The following TTLL12 variants were observed in gnomAD, a reference collection of about 807,000 sequenced individuals.
The protein encoded by TTLL12 is tubulin tyrosine ligase like 12, also known as tubulin--tyrosine ligase-like protein 12.
In TTLL12, 77 loss-of-function variants were observed where a neutral mutation model predicts 79.6. The observed-to-expected ratio is 0.97, with a 90% CI of 0.81 to 1.17. TTLL12 has a LOEUF of 1.17. TTLL12 is among the 50% of genes most tolerant of loss of function. The probability of loss-of-function intolerance (pLI) is 0.00; values close to 1 mark genes in which losing one functional copy is unlikely to be tolerated. For synonymous variants in TTLL12, 437 were observed against 376.1 expected (o/e 1.16, Z -1.87); for missense variants, 969 against 895.9 (o/e 1.08, Z -1.04).
At position 43,167,078 on chromosome 22, in the gene TTLL12, A is replaced by G. The variant is rs1411659657; in HGVS notation, c.*930T>C. ...ACATTTTTCTCCCATACATTAAAAA[A>G]TAAGAAAAAGCCAACATTTTGACTG... On this transcript the variant is annotated 3_prime_UTR_variant, in exon 14 of 14. Transcript: ENST00000216129. 9.4e-6 allele frequency: 4 copies of G among 424,622 alleles called. No individual in the cohort carries two copies. The highest frequency in any genetic ancestry group is 6.4e-5 in the East Asian group (1 of 15,518). 26.3% of individuals were successfully genotyped at this position (424,622 alleles called of 1,614,324 possible).
intron 8 of TTLL12, 91 bp downstream of exon 8, chr22:43,174,116 CCA>C (rs1931837231): frequency 6.8e-7 from 1 of 1,476,614 alleles, no homozygotes; most frequent in East Asian, 2.3e-5. Context: ...ACCACGGTTT[CCA>C]CAGTGGGTGC....
intron 12 of TTLL12, 100 bp from the exon 13 acceptor site, chr22:43,169,012 G>C: frequency 2.8e-6 from 4 of 1,434,120 alleles, no homozygotes; most frequent in Non-Finnish European, 3.7e-6. Flanking sequence ...CGTGGCCCAA[G>C]TCACCCCCTC....
chr22:43,174,134 G>C, intron 8 of TTLL12, 75 bp downstream of exon 8: 1 of 1,517,684 alleles, frequency 6.6e-7, no homozygotes, highest in Non-Finnish European at 8.9e-7. Flanking sequence ...GGTGCTCATG[G>C]AGGAGCAGGC....
rs1057438384 is a variant in TTLL12 at position 43,178,725 on chromosome 22, G to A, written c.840+894C>T. The stretch of plus-strand genomic sequence containing the variant: ...TGCAAAAAGGATGACTTCAGTCGCC[G>A]TGGGGGCAAGCCTGCAGCCTCAGCT... On this transcript the variant is annotated intron_variant, in intron 5 of 13. Coordinates refer to ENST00000216129, the MANE Select transcript of TTLL12 (RefSeq NM_015140.4). Among the ~76,000 whole-genome samples the A allele has an allele frequency of 3.9e-5, 6 of 152,216 alleles. No homozygotes were observed. In the South Asian group the frequency reaches 6.2e-4, roughly 16 times the overall value.
intron 8 of TTLL12, 35 bp downstream of exon 8, chr22:43,174,174 C>T: frequency 6.3e-7 from 1 of 1,589,938 alleles, no homozygotes; most frequent in Non-Finnish European, 8.5e-7. Flanking sequence ...GGGAAAAGGG[C>T]CATGGAGCAC....
intron 2 of TTLL12, among the ~76,000 whole-genome samples, chr22:43,181,862 C>T (rs991770620): frequency 6.6e-6 from 1 of 152,152 alleles, no homozygotes; most frequent in African/African-American, 2.4e-5. Context: ...GAGTGGGTGA[C>T]CACGTGATGC....
Position 43,179,669 on chromosome 22 carries a change from T to A in TTLL12, c.790A>T (p.Met264Leu). ...GGTGTGCAAGAGCTGAGGTCCAGCA[T>A]GTCGGTGGGGGCCCAGGGCAGCAGC... is the stretch of plus-strand genomic sequence containing the variant. ...CMLLPWAPTDMLDLSSCTPEP... is the reference protein window; with the variant it reads ...CMLLPWAPTDLLDLSSCTPEP... Residue 264 changes from methionine (M) to leucine (L), a missense_variant, in exon 5 of 14, where the codon ATG becomes TTG. By Grantham distance (15) the Met-to-Leu change is conservative (BLOSUM62 2). Transcript: ENST00000216129. 1.9e-6 allele frequency: 3 copies of A among 1,581,176 alleles called. No homozygotes were observed. The highest frequency in any genetic ancestry group is 2.6e-6 in the Non-Finnish European group (3 of 1,164,532).
At chr22:43,172,245 A>C (rs1268484144) in intron 10 of TTLL12, among the ~76,000 whole-genome samples, 158 bp downstream of exon 10, 1 of 152,300 alleles carries the variant, frequency 6.6e-6, no homozygotes, top group South Asian at 2.1e-4. Flanking sequence ...GCCAATTAAC[A>C]CCAAGGGAGA....
chr22:43,177,100 G>A (rs1411593184), intron 5 of TTLL12, among the ~76,000 whole-genome samples: 1 of 152,192 alleles, frequency 6.6e-6, no homozygotes, highest in Non-Finnish European at 1.5e-5. Context: ...TGCACATGGT[G>A]GCTCAAGCCA....
intron 8 of TTLL12, 73 bp from the exon 9 acceptor site, chr22:43,173,899 A>G: frequency 7.3e-7 from 1 of 1,378,438 alleles, no homozygotes; most frequent in African/African-American, 1.4e-5. Context: ...CAGGACCCAG[A>G]GGCAGAAGAG....
At chr22:43,173,199 G>A (rs1931809911) in intron 9 of TTLL12, among the ~76,000 whole-genome samples, 1 of 152,080 alleles carries the variant, frequency 6.6e-6, no homozygotes, top group Non-Finnish European at 1.5e-5. Context: ...CCCTCACTAT[G>A]AATCTTTACC....
chr22:43,185,247 TTATATATATATATATATATA>T (rs3985927), intron 1 of TTLL12, among the ~76,000 whole-genome samples: 1,219 of 115,608 alleles, frequency 0.011, 19 homozygotes, highest in Middle Eastern at 0.022. Context: ...AAGAAAAAAA[TTATATATATATATATATATA>T]TATATATATA....
intron 6 of TTLL12, among the ~76,000 whole-genome samples, chr22:43,175,926 G>A (rs145841800): frequency 6.7e-5 from 10 of 149,558 alleles, no homozygotes; most frequent in Non-Finnish European, 8.9e-5. Context: ...GATCTCAGGC[G>A]ATCTGCCTGG....
intron 3 of TTLL12, 36 bp from the exon 4 acceptor site, chr22:43,180,036 C>T (rs1418375450): frequency 6.5e-7 from 1 of 1,535,190 alleles, no homozygotes; most frequent in Non-Finnish European, 8.7e-7. Context: ...TCTCGCTCAC[C>T]CATCCACCCA....
chr22:43,168,784 G>T lies in TTLL12; in HGVS notation c.1773C>A (p.Asn591Lys), dbSNP rs34490661. Residue 591 changes from asparagine (N) to lysine (K), a missense_variant, in exon 13 of 14, where the codon AAC (asparagine) becomes AAA (lysine). By Grantham distance (94) the Asn-to-Lys change is moderately conservative. Coordinates refer to ENST00000216129, the MANE Select transcript of TTLL12 (RefSeq NM_015140.4). ...YAVDLMLKWDNGPDGRRVMQP... is the reference protein window; with the variant it reads ...YAVDLMLKWDKGPDGRRVMQP... ...GGGAGCCCCTCTTACCATCTGGGCC[G>T]TTGTCCCACTTCAGCATGAGGTCGA... The T allele has an allele frequency of 6.4e-7, 1 of 1,560,940 alleles. No homozygotes were observed.
chr22:43,169,819 T>C, intron 11 of TTLL12: 1 of 583,226 alleles, frequency 1.7e-6, no homozygotes. Context: ...AATGGGAAAA[T>C]GTGCTCTGCC....
intron 1 of TTLL12, 48 bp from the exon 2 acceptor site, chr22:43,183,197 C>A: frequency 6.2e-7 from 1 of 1,604,510 alleles, no homozygotes; most frequent in Non-Finnish European, 8.5e-7. Context: ...GGAGACCCCA[C>A]CCCAATGCCT....
Position 43,167,889 on chromosome 22 carries a change from G to A in TTLL12, c.*119C>T. The A allele has an allele frequency of 1.5e-6, 2 of 1,324,552 alleles. No homozygotes were observed. Among genetic ancestry groups the A allele is most frequent in the Non-Finnish European group, 2.1e-6 (2 of 959,282 alleles). The allele number at this position is 1,324,552 out of a possible 1,614,324, so 82.0% of individuals were successfully genotyped here. A position where few individuals can be genotyped will look rare whatever the true frequency, so the allele number is the denominator to read the frequency against. On this transcript the variant is annotated 3_prime_UTR_variant, in exon 14 of 14. Coordinates refer to ENST00000216129, the MANE Select transcript of TTLL12 (RefSeq NM_015140.4). The stretch of plus-strand genomic sequence containing the variant: ...GGATGGCTCGGCAGGACAGAGGCCT[G>A]GGGCTGAGGCTATGCCCAGGGCCGG...
chr22:43,175,831 C>T (rs1601771068), intron 6 of TTLL12, among the ~76,000 whole-genome samples: 1 of 148,118 alleles, frequency 6.8e-6, no homozygotes, highest in Non-Finnish European at 1.5e-5. Flanking sequence ...AGCCACCATG[C>T]CCTACTAATT....
Sources: allele counts gnomAD v4.1 joint callset (sites outside exome capture counted in the v4.1 genomes callset), GRCh38; gene constraint gnomAD v4.1.1; transcripts MANE v1.5; gene names NCBI Gene and HGNC (gene_info 2026-07-23, HGNC 2026-07-21).